Variants in PTPRT observed in about 807,000 individuals in gnomAD.
PTPRT encodes receptor-type tyrosine-protein phosphatase T.
Under a neutral mutation model 176.8 loss-of-function variants are expected in PTPRT, and 56 were observed. That is an observed-to-expected ratio of 0.32 (90% CI 0.26 to 0.40). The LOEUF is 0.40. Ranked by LOEUF, PTPRT falls within the 10% of genes least tolerant of loss-of-function variation. The probability of loss-of-function intolerance (pLI) is 1.00; values close to 1 mark genes in which losing one functional copy is unlikely to be tolerated. For synonymous variants in PTPRT, 783 were observed against 739.0 expected (o/e 1.06, Z -0.96); for missense variants, 1,540 against 1,908.2 (o/e 0.81, Z 3.60).
intron 1 of PTPRT, among the ~76,000 whole-genome samples, chr20:42,970,241 A>C (rs1453777549): frequency 6.6e-6 from 1 of 152,202 alleles, no homozygotes; most frequent in Non-Finnish European, 1.5e-5. Context: ...ATGCTTTATT[A>C]ATATAAATCT....
intron 13 of PTPRT, among the ~76,000 whole-genome samples, chr20:42,262,029 G>A (rs1034861730): frequency 3.9e-5 from 6 of 152,190 alleles, no homozygotes; most frequent in Non-Finnish European, 7.3e-5. Flanking sequence ...CAGTAAACAC[G>A]CAGCACAGAA....
chr20:42,276,529 A>AATGT (rs2147029109), intron 13 of PTPRT, among the ~76,000 whole-genome samples: 1 of 47,056 alleles, frequency 2.1e-5, no homozygotes, highest in Non-Finnish European at 4.5e-5. Flanking sequence ...ATATATATAT[A>AATGT]TATATATATA....
At chr20:42,558,455 C>T (rs1479876370) in intron 7 of PTPRT, among the ~76,000 whole-genome samples, 2 of 152,020 alleles carry the variant, frequency 1.3e-5, no homozygotes, top group Non-Finnish European at 2.9e-5. Context: ...GTTTATAATA[C>T]AATGATTTAT....
the PTPRT span, among the ~76,000 whole-genome samples, chr20:42,066,205 A>T: frequency 1.3e-5 from 2 of 150,622 alleles, no homozygotes; most frequent in South Asian, 2.1e-4. Flanking sequence ...ATGACGGCTG[A>T]TTTTTTTTGT....
intron 1 of PTPRT, among the ~76,000 whole-genome samples, chr20:43,123,160 T>G (rs1318333421): frequency 6.6e-6 from 1 of 152,182 alleles, no homozygotes; most frequent in Non-Finnish European, 1.5e-5. Context: ...GGCCCCCTGG[T>G]ATTTCTTTAT....
chr20:42,172,063 C>T (rs984055920), intron 16 of PTPRT, among the ~76,000 whole-genome samples: 2 of 151,876 alleles, frequency 1.3e-5, no homozygotes, highest in Admixed American at 6.6e-5. Context: ...TAAGTAAATA[C>T]ATTTAGATTG....
At chr20:42,039,198 A>G in the PTPRT span, among the ~76,000 whole-genome samples, 1 of 152,178 alleles carries the variant, frequency 6.6e-6, no homozygotes, top group Non-Finnish European at 1.5e-5. Context: ...AAATTAATTT[A>G]TTTTAAAAAT....
chr20:42,595,805 G>T (rs2073660678), intron 7 of PTPRT, among the ~76,000 whole-genome samples: 1 of 152,140 alleles, frequency 6.6e-6, no homozygotes, highest in African/African-American at 2.4e-5. Flanking sequence ...CTTGTTGCAA[G>T]GACAAACACT....
In PTPRT at chr20:42,999,616, TTG is replaced by T. The variant is rs1473778576; in HGVS notation, c.89-113686_89-113685del. ...AAAAAAAAAACTTGTGGTTTTTTTT[TTG>T]TTGTTGTTGTTGTTGTGGTGGTTGT... is the stretch of plus-strand genomic sequence containing the variant. On this transcript the variant is annotated intron_variant, in intron 1 of 30. Transcript: ENST00000373187. Among the ~76,000 whole-genome samples, 6 of 107,662 alleles carry T rather than the reference TTG, an allele frequency of 5.6e-5. No individual in the cohort carries two copies. In the East Asian group the frequency reaches 9.3e-4, roughly 17 times the overall value. The allele number at this position is 107,662 out of a possible 152,430, so 70.6% of individuals were successfully genotyped here. A position where few individuals can be genotyped will look rare whatever the true frequency, so the allele number is the denominator to read the frequency against.
At chr20:42,125,021 C>A (rs1354242988) in intron 19 of PTPRT, among the ~76,000 whole-genome samples, 4 of 152,260 alleles carry the variant, frequency 2.6e-5, no homozygotes, top group Middle Eastern at 3.4e-3. Context: ...TGCCAGGTCT[C>A]CATGCCTTGC....
chr20:42,952,268 G>A (rs752363900), intron 1 of PTPRT, among the ~76,000 whole-genome samples: 6 of 152,306 alleles, frequency 3.9e-5, no homozygotes, highest in Middle Eastern at 3.4e-3. Context: ...CGCAGTTGGC[G>A]CAATCACCAA....
chr20:42,586,638 C>T (rs2073475875), intron 7 of PTPRT, among the ~76,000 whole-genome samples: 1 of 152,176 alleles, frequency 6.6e-6, no homozygotes, highest in Non-Finnish European at 1.5e-5. Context: ...TTATTGGTAT[C>T]TTGTACATCC....
intron 1 of PTPRT, among the ~76,000 whole-genome samples, chr20:42,989,367 T>C (rs972186633): frequency 6.6e-6 from 1 of 152,240 alleles, no homozygotes; most frequent in African/African-American, 2.4e-5. Context: ...CAGTGAGAGA[T>C]GACAAAATGT....
At chr20:42,094,374 C>T (rs978070309) in intron 27 of PTPRT, among the ~76,000 whole-genome samples, 3 of 152,128 alleles carry the variant, frequency 2.0e-5, no homozygotes, top group Admixed American at 6.5e-5. Flanking sequence ...ATAGTTATCT[C>T]AGTTTCTAAC....
At position 42,268,478 on chromosome 20, in the gene PTPRT, T is replaced by C. The variant is rs139929389; in HGVS notation, c.2176+14011A>G. On this transcript the variant is annotated intron_variant, in intron 13 of 30. Transcript: ENST00000373187. ...GTATTGTTTCTCTGTAAATTGGTGG[T>C]GTGCACAGTGACGAGAGTCACTTTT... 1.3e-3 allele frequency among the ~76,000 whole-genome samples: 200 copies of C among 152,240 alleles called. 1 individual carries two copies. The highest frequency in any genetic ancestry group is 4.6e-3 in the African/African-American group (191 of 41,558).
At chr20:42,146,756 A>T (rs1368620454) in intron 17 of PTPRT, among the ~76,000 whole-genome samples, 2 of 152,220 alleles carry the variant, frequency 1.3e-5, no homozygotes, top group African/African-American at 2.4e-5. Flanking sequence ...TCCTCTTGCC[A>T]TTGCCTTCAG....
At chr20:42,710,152 A>G (rs1171529704) in intron 6 of PTPRT, among the ~76,000 whole-genome samples, 1 of 152,228 alleles carries the variant, frequency 6.6e-6, no homozygotes, top group East Asian at 1.9e-4. Context: ...GCCTGGCCAT[A>G]TGGGAGAGAA....
At chr20:42,625,752 C>T (rs528275144) in intron 7 of PTPRT, among the ~76,000 whole-genome samples, 28 of 152,028 alleles carry the variant, frequency 1.8e-4, no homozygotes, top group African/African-American at 5.8e-4. Flanking sequence ...ACAGTCAACT[C>T]GGAGATCAGG....
the PTPRT span, chr20:42,063,811 G>A: frequency 3.9e-5 from 6 of 151,992 alleles, no homozygotes; most frequent in African/African-American, 1.2e-4. Flanking sequence ...TGGGGATGGT[G>A]GCCAATGGGA....
Sources: allele counts gnomAD v4.1 joint callset (sites outside exome capture counted in the v4.1 genomes callset), GRCh38; gene constraint gnomAD v4.1.1; transcripts MANE v1.5; gene names NCBI Gene and HGNC (gene_info 2026-07-23, HGNC 2026-07-21).